TRIM36: variants seen among roughly 807,000 people sequenced by gnomAD.
TRIM36 encodes the protein E3 ubiquitin-protein ligase TRIM36.
TRIM36 carries 42 observed loss-of-function variants against 72.4 expected under a neutral mutation model. The observed-to-expected ratio is 0.58, with a 90% CI of 0.45 to 0.75. The LOEUF is 0.75. Among genes scored for constraint, TRIM36 ranks in the 30% least tolerant of loss-of-function variants. The probability of loss-of-function intolerance (pLI) is 0.00; values close to 1 mark genes in which losing one functional copy is unlikely to be tolerated. For synonymous variants in TRIM36, 315 were observed against 282.8 expected (o/e 1.11, Z -1.14); for missense variants, 913 against 857.1 (o/e 1.07, Z -0.81).
intron 1 of TRIM36, among the ~76,000 whole-genome samples, chr5:115,179,151 C>T (rs1265924346): frequency 6.6e-6 from 1 of 152,214 alleles, no homozygotes; most frequent in Non-Finnish European, 1.5e-5. Flanking sequence ...CACTGTGCAG[C>T]CTCCGTACTT....
chr5:115,177,929 G>C (rs983760675), intron 1 of TRIM36: 5 of 1,579,106 alleles, frequency 3.2e-6, no homozygotes, highest in Admixed American at 3.4e-5. Context: ...AATGAAGCCA[G>C]AAAGTTAGTT....
chr5:115,129,388 C>A (rs1402331930), intron 9 of TRIM36, among the ~76,000 whole-genome samples: 1 of 152,018 alleles, frequency 6.6e-6, no homozygotes, highest in East Asian at 1.9e-4. Context: ...CATGGAGAAA[C>A]CCCATCTCTA....
rs372440600 is a variant in TRIM36, at chr5:115,134,069, T to G, written c.1289A>C (p.Lys430Thr). The change falls in exon 8 of 10, where the codon AAG (lysine) becomes ACG (threonine). Residue 430 changes from lysine (K) to threonine (T), a missense_variant. Coordinates refer to ENST00000513154, the MANE Select transcript of TRIM36 (RefSeq NM_001300759.2). ...NALINWHHPEKDKADSYVLEY... is the reference protein window; with the variant it reads ...NALINWHHPETDKADSYVLEY... Reference sequence around the variant, plus strand: ...AAGAACATAGCTATCAGCTTTATCCTTTTCTGGATGGTGCCAATTTATCAA... The same window carrying G: ...AAGAACATAGCTATCAGCTTTATCCGTTTCTGGATGGTGCCAATTTATCAA... 99 of 1,612,758 alleles carry G rather than the reference T, an allele frequency of 6.1e-5. No individual in the cohort carries two copies. Among genetic ancestry groups the G allele is most frequent in the Non-Finnish European group, 7.7e-5 (91 of 1,179,526 alleles).
intron 2 of TRIM36, among the ~76,000 whole-genome samples, chr5:115,154,185 C>CAAA (rs1561437727): frequency 6.6e-6 from 1 of 151,962 alleles, no homozygotes; most frequent in South Asian, 2.1e-4. Context: ...ACAGCAAAGG[C>CAAA]AGTGCTAAGA....
At chr5:115,174,257 A>G (rs758263918), upstream of TRIM36, 11 of 152,200 alleles carry the variant, frequency 7.2e-5, no homozygotes, top group African/African-American at 1.7e-4. Flanking sequence ...TTCTATTGGT[A>G]TATACTAAAC....
chr5:115,177,625 CG>C, intron 1 of TRIM36: 2 of 1,528,544 alleles, frequency 1.3e-6, no homozygotes, highest in Middle Eastern at 2.2e-4. Flanking sequence ...GCTGGGGCTG[CG>C]GGGCGGGGCA....
chr5:115,164,532 G>T (rs1394808453), intron 1 of TRIM36, among the ~76,000 whole-genome samples: 1 of 152,202 alleles, frequency 6.6e-6, no homozygotes, highest in East Asian at 1.9e-4. Flanking sequence ...GAGAGAGCAA[G>T]AGCAGGGATA....
intron 2 of TRIM36, among the ~76,000 whole-genome samples, chr5:115,158,853 G>C (rs1434109682): frequency 6.6e-6 from 1 of 152,068 alleles, no homozygotes; most frequent in African/African-American, 2.4e-5. Context: ...GTAAGAAAAA[G>C]AATTACACGT....
At chr5:115,149,138 T>A (rs1261746813) in intron 2 of TRIM36, 1 of 152,156 alleles carries the variant, frequency 6.6e-6, no homozygotes, top group East Asian at 1.9e-4. Context: ...AGTTGCCCCA[T>A]AAAAATTTGA....
chr5:115,143,933 C>CG (rs1753430205), intron 4 of TRIM36, among the ~76,000 whole-genome samples: 1 of 151,946 alleles, frequency 6.6e-6, no homozygotes, highest in African/African-American at 2.4e-5. Context: ...TGCAGTGGCG[C>CG]GATCTCAGCT....
At chr5:115,161,893 T>C (rs1754502950) in intron 2 of TRIM36, among the ~76,000 whole-genome samples, 1 of 152,232 alleles carries the variant, frequency 6.6e-6, no homozygotes, top group Admixed American at 6.5e-5. Flanking sequence ...TCTTCATTAA[T>C]GCACCCGTTT....
At chr5:115,140,589 CCCT>C (rs1367394332) in intron 5 of TRIM36, among the ~76,000 whole-genome samples, 2 of 152,128 alleles carry the variant, frequency 1.3e-5, no homozygotes, top group Non-Finnish European at 2.9e-5. Flanking sequence ...TAACCTACCC[CCCT>C]CCTCAACTCT....
At chr5:115,168,276 T>A (rs1200782572) in intron 1 of TRIM36, among the ~76,000 whole-genome samples, 1 of 152,190 alleles carries the variant, frequency 6.6e-6, no homozygotes, top group African/African-American at 2.4e-5. Context: ...GTGAGAAGCA[T>A]TTTAGACTCA....
intron 2 of TRIM36, among the ~76,000 whole-genome samples, chr5:115,155,120 C>T (rs755848374): frequency 1.3e-5 from 2 of 152,084 alleles, no homozygotes; most frequent in South Asian, 2.1e-4. Context: ...ACCTGGGAGG[C>T]GGAGGTTGTG....
In TRIM36 at chr5:115,169,553, GCCGCGGTCGGCACACCGC is replaced by G. The variant is rs555971638; in HGVS notation, c.27+37_27+54del. The G allele has an allele frequency of 3.6e-4, 535 of 1,484,812 alleles. 1 individual carries two copies. In the African/African-American group the frequency reaches 7.0e-3, roughly 19 times the overall value. 92.0% of individuals were successfully genotyped at this position (1,484,812 alleles called of 1,614,324 possible). ...GCTCCCGGCGGAGGAAAGAGAAAGA[GCCGCGGTCGGCACACCGC>G]CCTCGAGGTGGGGGCGGCGGTCCCC... On this transcript the variant is annotated intron_variant, in intron 1 of 9. Coordinates refer to ENST00000513154, the MANE Select transcript of TRIM36 (RefSeq NM_001300759.2).
At chr5:115,162,948 G>A (rs1190657590) in intron 2 of TRIM36, among the ~76,000 whole-genome samples, 1 of 150,938 alleles carries the variant, frequency 6.6e-6, no homozygotes, top group African/African-American at 2.4e-5. Flanking sequence ...AATTCCTAAA[G>A]ACAAACATAG....
chr5:115,138,270 T>C (rs1481835202), intron 5 of TRIM36, among the ~76,000 whole-genome samples: 1 of 152,116 alleles, frequency 6.6e-6, no homozygotes, highest in East Asian at 1.9e-4. Context: ...CAGCTTTTTT[T>C]CAATATTTTT....
chr5:115,169,232 C>A, intron 1 of TRIM36: 1 of 219,244 alleles, frequency 4.6e-6, no homozygotes, highest in South Asian at 1.8e-4. Context: ...CAAAGGGCGG[C>A]CCCGCAAGCG....
intron 1 of TRIM36, among the ~76,000 whole-genome samples, chr5:115,167,314 A>C (rs1333352468): frequency 6.6e-6 from 1 of 152,246 alleles, no homozygotes; most frequent in African/African-American, 2.4e-5. Context: ...AAGATCTCTG[A>C]CATGTCCTGG....
Sources: allele counts gnomAD v4.1 joint callset (sites outside exome capture counted in the v4.1 genomes callset), GRCh38; gene constraint gnomAD v4.1.1; transcripts MANE v1.5; gene names NCBI Gene and HGNC (gene_info 2026-07-23, HGNC 2026-07-21).